The following GPR39 variants were observed in gnomAD, a reference collection of about 807,000 sequenced individuals.
The protein encoded by GPR39 is zinc sensing receptor.
In GPR39, 23 loss-of-function variants were observed where a neutral mutation model predicts 18.4. The ratio of observed to expected loss-of-function variants is 1.25; its 90% CI spans 0.90 to 1.77. GPR39 has a LOEUF of 1.77. GPR39 is among the 40% of genes most tolerant of loss of function. The pLI, the probability that GPR39 is intolerant of heterozygous loss-of-function variation, is 0.00. For synonymous variants in GPR39, 280 were observed against 257.9 expected (o/e 1.09, Z -0.82); for missense variants, 647 against 602.4 (o/e 1.07, Z -0.78).
At position 132,645,353 on chromosome 2, in the gene GPR39, A is replaced by G. The variant is rs769967959; in HGVS notation, c.1109A>G (p.His370Arg). Residue 370 changes from histidine to arginine, a missense_variant, in exon 2 of 2, where the codon CAC becomes CGC. Transcript: ENST00000329321. ...CGCCTGTCGCTGCAGCACGCCAACCACGAGAAGCGCCTGCGCGTACATGCG... is the reference window on the plus strand; with the variant it reads ...CGCCTGTCGCTGCAGCACGCCAACCGCGAGAAGCGCCTGCGCGTACATGCG... ...CCRLSLQHANHEKRLRVHAHS... is the reference protein window; with the variant it reads ...CCRLSLQHANREKRLRVHAHS... 2 of 1,614,078 alleles carry G rather than the reference A, an allele frequency of 1.2e-6. No homozygotes were observed. Among genetic ancestry groups the G allele is most frequent in the South Asian group, 1.1e-5 (1 of 91,078 alleles).
intron 1 of GPR39, among the ~76,000 whole-genome samples, chr2:132,462,554 C>T (rs1036336420): frequency 3.3e-5 from 5 of 152,208 alleles, no homozygotes; most frequent in African/African-American, 1.2e-4. Context: ...AATGTTACAT[C>T]TTACACCACA....
chr2:132,445,866 G>A (rs912845657), intron 1 of GPR39, among the ~76,000 whole-genome samples: 19 of 152,182 alleles, frequency 1.2e-4, no homozygotes, highest in African/African-American at 4.6e-4. Context: ...AATAAGAGGC[G>A]AAGGTCAGTG....
At chr2:132,541,547 A>G (rs1679861442) in intron 1 of GPR39, among the ~76,000 whole-genome samples, 1 of 152,222 alleles carries the variant, frequency 6.6e-6, no homozygotes, top group South Asian at 2.1e-4. Flanking sequence ...TGACAACTGA[A>G]AAGTGAAGGA....
At chr2:132,444,459 T>C (rs1233497967) in intron 1 of GPR39, among the ~76,000 whole-genome samples, 1 of 152,112 alleles carries the variant, frequency 6.6e-6, no homozygotes, top group Non-Finnish European at 1.5e-5. Flanking sequence ...CAGTTGACTT[T>C]TATTTTTTGT....
At chr2:132,576,557 G>T (rs1454285696) in intron 1 of GPR39, among the ~76,000 whole-genome samples, 2 of 152,128 alleles carry the variant, frequency 1.3e-5, no homozygotes, top group South Asian at 4.1e-4. Flanking sequence ...GGAGGCTGAG[G>T]CATGAGAATT....
chr2:132,563,621 C>G (rs1169723471), intron 1 of GPR39, among the ~76,000 whole-genome samples: 2 of 152,196 alleles, frequency 1.3e-5, no homozygotes, highest in East Asian at 3.9e-4. Flanking sequence ...TATGATCAGT[C>G]ATTGCCTTCC....
At chr2:132,557,860 GC>G (rs961962033) in intron 1 of GPR39, among the ~76,000 whole-genome samples, 2 of 152,154 alleles carry the variant, frequency 1.3e-5, no homozygotes, top group African/African-American at 4.8e-5. Context: ...CCCCCATGCC[GC>G]CCGGGGGGGC....
chr2:132,522,103 C>T (rs1031501264), intron 1 of GPR39, among the ~76,000 whole-genome samples: 6 of 152,162 alleles, frequency 3.9e-5, no homozygotes, highest in South Asian at 2.1e-4. Context: ...GTGGCCCCGC[C>T]GGCTGGGGGA....
At chr2:132,569,393 G>A (rs1455092130) in intron 1 of GPR39, among the ~76,000 whole-genome samples, 2 of 152,104 alleles carry the variant, frequency 1.3e-5, no homozygotes, top group Non-Finnish European at 2.9e-5. Context: ...TCTGCCAGCT[G>A]ATGGGTTTGA....
chr2:132,581,768 T>A (rs1480247589), intron 1 of GPR39, among the ~76,000 whole-genome samples: 1 of 152,172 alleles, frequency 6.6e-6, no homozygotes, highest in East Asian at 1.9e-4. Flanking sequence ...AGGGGAAGAA[T>A]TATCACCTTC....
chr2:132,577,972 T>C, intron 1 of GPR39, among the ~76,000 whole-genome samples: 1 of 152,164 alleles, frequency 6.6e-6, no homozygotes, highest in Non-Finnish European at 1.5e-5. Context: ...AGGGAAAGCA[T>C]TGAGGCTTTC....
chr2:132,534,102 G>A (rs576311562), intron 1 of GPR39, among the ~76,000 whole-genome samples: 1 of 152,102 alleles, frequency 6.6e-6, no homozygotes, highest in Non-Finnish European at 1.5e-5. Context: ...ATCTGACAAA[G>A]GGCTAATATG....
intron 1 of GPR39, among the ~76,000 whole-genome samples, chr2:132,601,483 T>C (rs77489101): frequency 2.0e-3 from 312 of 152,250 alleles, no homozygotes; most frequent in African/African-American, 7.3e-3. Context: ...AAAAGCCATA[T>C]ATGACAGTCC....
intron 1 of GPR39, among the ~76,000 whole-genome samples, chr2:132,476,373 C>A (rs535522593): frequency 6.6e-6 from 1 of 152,016 alleles, no homozygotes; most frequent in Non-Finnish European, 1.5e-5. Context: ...CGGTGGCTCA[C>A]GCCTGTAATC....
In GPR39 at chr2:132,557,765, G is replaced by A. The variant is rs1464375936; in HGVS notation, c.857-87336G>A. 5.3e-5 allele frequency among the ~76,000 whole-genome samples: 8 copies of A among 152,158 alleles called. No individual in the cohort carries two copies. In the East Asian group the frequency reaches 1.2e-3, roughly 22 times the overall value. The stretch of plus-strand genomic sequence containing the variant: ...GGTTAACTTTACCACATATCTTCTC[G>A]TGACTGGCTTACAATATAGTATCTT... On this transcript the variant is annotated intron_variant, in intron 1 of 1. Transcript: ENST00000329321.
intron 1 of GPR39, among the ~76,000 whole-genome samples, chr2:132,590,036 C>A (rs1680800584): frequency 6.6e-6 from 1 of 152,174 alleles, no homozygotes; most frequent in Admixed American, 6.5e-5. Flanking sequence ...TTAAGCTGCT[C>A]TCATTATTTC....
intron 1 of GPR39, among the ~76,000 whole-genome samples, chr2:132,468,305 T>A (rs1167622965): frequency 6.6e-6 from 1 of 152,158 alleles, no homozygotes; most frequent in Non-Finnish European, 1.5e-5. Flanking sequence ...ATACTGCAGA[T>A]AGAATGTGAG....
intron 1 of GPR39, among the ~76,000 whole-genome samples, chr2:132,505,728 T>G (rs111693599): frequency 6.6e-6 from 1 of 152,372 alleles, no homozygotes; most frequent in African/African-American, 2.4e-5. Context: ...AAAATTACAT[T>G]ATCTCATTCT....
At chr2:132,477,341 C>A (rs936966516) in intron 1 of GPR39, among the ~76,000 whole-genome samples, 7 of 152,000 alleles carry the variant, frequency 4.6e-5, no homozygotes, top group African/African-American at 1.7e-4. Context: ...GCGTGGAGGA[C>A]AGGGGTGGGA....
Sources: allele counts gnomAD v4.1 joint callset (sites outside exome capture counted in the v4.1 genomes callset), GRCh38; gene constraint gnomAD v4.1.1; transcripts MANE v1.5; gene names NCBI Gene and HGNC (gene_info 2026-07-23, HGNC 2026-07-21).